Variants in CPED1 observed in about 807,000 individuals in gnomAD.
The protein encoded by CPED1 is cadherin like and PC-esterase domain containing 1.
In CPED1, 114 loss-of-function variants were observed where a neutral mutation model predicts 128.2. The observed-to-expected ratio is 0.89, with a 90% confidence interval of 0.76 to 1.04. CPED1 has a LOEUF of 1.04. Ranked by LOEUF, CPED1 falls within the 50% of genes least tolerant of loss-of-function variation. CPED1 has a pLI of 0.00. For missense variants in CPED1, 1,211 were observed against 1,207.1 expected (o/e 1.00, Z -0.05); for synonymous variants, 462 against 426.7 (o/e 1.08, Z -1.02).
chr7:121,285,104 C>T lies in CPED1; in HGVS notation c.2869-10336C>T, dbSNP rs905066785. 2.6e-5 allele frequency among the ~76,000 whole-genome samples: 4 copies of T among 152,168 alleles called. No homozygotes were observed. In the East Asian group the frequency reaches 5.8e-4, roughly 22 times the overall value. The stretch of plus-strand genomic sequence containing the variant: ...AACTTAAATTCTAGTCTTCTGTACA[C>T]CCGCAGGTCCAACACCATTTGGAAG... On this transcript the variant is annotated intron_variant, in intron 22 of 22. Coordinates refer to ENST00000310396, the MANE Select transcript of CPED1 (RefSeq NM_024913.5).
chr7:121,268,280 T>G (rs1184291782), intron 21 of CPED1, among the ~76,000 whole-genome samples: 1 of 152,080 alleles, frequency 6.6e-6, no homozygotes, highest in Non-Finnish European at 1.5e-5. Flanking sequence ...GCCCCTTTGG[T>G]TGCAGCTCCT....
chr7:121,222,718 A>G (rs1584609346), intron 16 of CPED1, among the ~76,000 whole-genome samples: 1 of 152,132 alleles, frequency 6.6e-6, no homozygotes, highest in Admixed American at 6.6e-5. Flanking sequence ...TTTTGTAGCA[A>G]TTGTGAATGT....
At chr7:121,282,434 C>T (rs1465606923) in intron 22 of CPED1, among the ~76,000 whole-genome samples, 1 of 152,174 alleles carries the variant, frequency 6.6e-6, no homozygotes, top group East Asian at 1.9e-4. Flanking sequence ...GGCACATTTC[C>T]ACCCATGAGA....
intron 16 of CPED1, among the ~76,000 whole-genome samples, chr7:121,155,508 A>G (rs753823563): frequency 6.6e-6 from 1 of 152,214 alleles, no homozygotes. Flanking sequence ...GCATAAAAAC[A>G]TATGTGTAGA....
At chr7:121,226,637 A>T (rs1798021151) in intron 16 of CPED1, among the ~76,000 whole-genome samples, 1 of 152,084 alleles carries the variant, frequency 6.6e-6, no homozygotes, top group Non-Finnish European at 1.5e-5. Context: ...GTTTAAATTT[A>T]TATGCAATTA....
At chr7:121,245,208 A>G (rs944948087) in intron 18 of CPED1, among the ~76,000 whole-genome samples, 6 of 152,200 alleles carry the variant, frequency 3.9e-5, no homozygotes, top group African/African-American at 1.4e-4. Flanking sequence ...GAATAACAGG[A>G]GCTGAGGGGC....
chr7:121,136,185 T>A, intron 14 of CPED1, 95 bp downstream of exon 14: 1 of 1,168,524 alleles, frequency 8.6e-7, no homozygotes, highest in Non-Finnish European at 1.2e-6. Flanking sequence ...TATGTGGGTA[T>A]CTTACGCTGA....
chr7:121,008,064 C>T (rs781772110), intron 2 of CPED1, among the ~76,000 whole-genome samples: 2 of 151,878 alleles, frequency 1.3e-5, no homozygotes. Context: ...GAAAATACTG[C>T]GATTCAGGTA....
intron 16 of CPED1, among the ~76,000 whole-genome samples, chr7:121,199,594 T>G (rs1230155410): frequency 6.8e-6 from 1 of 146,276 alleles, no homozygotes; most frequent in Non-Finnish European, 1.5e-5. Flanking sequence ...AGGGAATCGC[T>G]TGAACCTGGG....
intron 16 of CPED1, among the ~76,000 whole-genome samples, chr7:121,210,450 T>C (rs1420521964): frequency 6.6e-6 from 1 of 151,950 alleles, no homozygotes; most frequent in Non-Finnish European, 1.5e-5. Flanking sequence ...ATAATACACA[T>C]ACACAATGGA....
intron 7 of CPED1, among the ~76,000 whole-genome samples, chr7:121,119,655 T>A (rs939225657): frequency 2.0e-5 from 3 of 151,422 alleles, no homozygotes; most frequent in African/African-American, 4.8e-5. Context: ...CTCTATTAAG[T>A]TATTTTTAAA....
chr7:121,012,301 A>G (rs1192916192), intron 2 of CPED1, among the ~76,000 whole-genome samples: 1 of 152,214 alleles, frequency 6.6e-6, no homozygotes, highest in Non-Finnish European at 1.5e-5. Context: ...GTAGTCTAGC[A>G]AAGGGATTTC....
intron 20 of CPED1, 71 bp downstream of exon 20, chr7:121,266,879 T>G (rs560339605): frequency 1.6e-4 from 163 of 1,033,656 alleles, no homozygotes; most frequent in Non-Finnish European, 2.4e-4. Flanking sequence ...TGACTGAGTT[T>G]TATCCAGATT....
chr7:121,260,591 G>A (rs987284208), intron 18 of CPED1, among the ~76,000 whole-genome samples: 1 of 151,914 alleles, frequency 6.6e-6, no homozygotes, highest in Non-Finnish European at 1.5e-5. Context: ...TGTGGGTTAT[G>A]CTTGGCTCTG....
chr7:121,007,167 A>G (rs1792039689), intron 2 of CPED1, among the ~76,000 whole-genome samples: 1 of 151,564 alleles, frequency 6.6e-6, no homozygotes, highest in Non-Finnish European at 1.5e-5. Flanking sequence ...CTGGAGCCGA[A>G]GCTATACCCA....
chr7:121,199,809 A>T (rs1296802540), intron 16 of CPED1, among the ~76,000 whole-genome samples: 3 of 152,110 alleles, frequency 2.0e-5, no homozygotes, highest in Admixed American at 6.5e-5. Context: ...CGTAATTTTA[A>T]ATTTTCCTGT....
chr7:121,255,483 T>A (rs985372696), intron 18 of CPED1, among the ~76,000 whole-genome samples: 4 of 151,998 alleles, frequency 2.6e-5, no homozygotes, highest in Non-Finnish European at 5.9e-5. Flanking sequence ...AAACTGGCAC[T>A]GTTCCCCTTG....
intron 2 of CPED1, among the ~76,000 whole-genome samples, chr7:121,013,305 T>G (rs1288731514): frequency 2.0e-5 from 3 of 152,194 alleles, no homozygotes; most frequent in Non-Finnish European, 4.4e-5. Flanking sequence ...ATTGTTGCAT[T>G]TAAATGGTTT....
At chr7:120,992,070 A>T (rs76464866) in intron 2 of CPED1, among the ~76,000 whole-genome samples, 2,998 of 152,264 alleles carry the variant, frequency 0.02, 49 homozygotes, top group Non-Finnish European at 0.032. Context: ...ACTCCAATTT[A>T]AATTATTAGA....
Sources: allele counts gnomAD v4.1 joint callset (sites outside exome capture counted in the v4.1 genomes callset), GRCh38; gene constraint gnomAD v4.1.1; transcripts MANE v1.5; gene names NCBI Gene and HGNC (gene_info 2026-07-23, HGNC 2026-07-21).